CCDC57: variants seen among roughly 807,000 people sequenced by gnomAD.
CCDC57 encodes coiled-coil domain containing 57, also known as coiled-coil domain-containing protein 57.
CCDC57 carries 118 observed loss-of-function variants against 118.9 expected under a neutral mutation model. That is an observed-to-expected ratio of 0.99 (90% confidence interval 0.86 to 1.16). The LOEUF is 1.16. Ranked by LOEUF, CCDC57 falls within the 50% of genes most tolerant of loss-of-function variation. The pLI is 0.00. For missense variants in CCDC57, 1,300 were observed against 1,320.7 expected, an observed-to-expected ratio of 0.98 and a Z score of 0.24; for synonymous variants, 527 against 532.9, an observed-to-expected ratio of 0.99 and a Z score of 0.15.
chr17:82,175,764 A>G (rs1366636297), intron 11 of CCDC57: 1 of 152,210 alleles, frequency 6.6e-6, no homozygotes, highest in Non-Finnish European at 1.5e-5. Flanking sequence ...CCTTGGCAAA[A>G]TAAACCTTCT....
At chr17:82,152,694 G>C (rs937820007) in intron 15 of CCDC57, among the ~76,000 whole-genome samples, 1 of 152,252 alleles carries the variant, frequency 6.6e-6, no homozygotes, top group Non-Finnish European at 1.5e-5. Flanking sequence ...TAAGGAGCCA[G>C]GCTGCACCTG....
chr17:82,187,404 G>A (rs927989466), intron 8 of CCDC57, among the ~76,000 whole-genome samples: 3 of 146,808 alleles, frequency 2.0e-5, no homozygotes, highest in Non-Finnish European at 4.5e-5. Flanking sequence ...AAACTTTGAG[G>A]ACATTATGCC....
Position 82,193,811 on chromosome 17 carries a change from T to A in CCDC57, c.796A>T (p.Lys266Ter), listed in dbSNP as rs200765054. 1 of 1,598,976 alleles carries A rather than the reference T, an allele frequency of 6.3e-7. No homozygotes were observed. The highest frequency in any genetic ancestry group is 8.5e-7 in the Non-Finnish European group (1 of 1,172,046). The stretch of plus-strand genomic sequence containing the variant: ...CTGGTTAGCTGCACAGAGTGAAGTT[T>A]ATCCTCTAAATCCTTTACCCTGAAA... The change falls in exon 7 of 20, where the codon AAA (lysine) becomes TAA (stop). Residue 266 changes from lysine (K) to a stop codon, truncating the protein, a stop_gained. Transcript: ENST00000665763. LOFTEE classifies it high-confidence loss of function.
intron 4 of CCDC57, among the ~76,000 whole-genome samples, chr17:82,197,866 G>T (rs1286785544): frequency 1.3e-5 from 2 of 152,316 alleles, no homozygotes; most frequent in East Asian, 3.9e-4. Flanking sequence ...TGGGCCTTCA[G>T]AGCTGGACCA....
At chr17:82,176,904 T>C (rs576142356) in intron 11 of CCDC57, among the ~76,000 whole-genome samples, 1 of 151,958 alleles carries the variant, frequency 6.6e-6, no homozygotes, top group Admixed American at 6.6e-5. Context: ...GCCTGAGACC[T>C]ATCCCTAGGT....
At chr17:82,151,156 A>G (rs1374893426) in intron 16 of CCDC57, among the ~76,000 whole-genome samples, 1 of 72,064 alleles carries the variant, frequency 1.4e-5, no homozygotes, top group Non-Finnish European at 2.7e-5. Context: ...CGCACCTAGA[A>G]CCAGGCGCAC....
chr17:82,170,561 G>A (rs1278444389), intron 13 of CCDC57, among the ~76,000 whole-genome samples: 1 of 151,496 alleles, frequency 6.6e-6, no homozygotes, highest in African/African-American at 2.4e-5. Context: ...TGCAGCGGGG[G>A]AGGAGTCACG....
chr17:82,173,914 T>C (rs1488380769), intron 11 of CCDC57, among the ~76,000 whole-genome samples: 1 of 152,118 alleles, frequency 6.6e-6, no homozygotes, highest in African/African-American at 2.4e-5. Flanking sequence ...CGCTTCTGCC[T>C]CTGACCAGGA....
At chr17:82,170,972 A>T (rs2044634712) in intron 13 of CCDC57, among the ~76,000 whole-genome samples, 1 of 152,270 alleles carries the variant, frequency 6.6e-6, no homozygotes, top group Non-Finnish European at 1.5e-5. Flanking sequence ...ATCAAGTGAA[A>T]CACAGTGTAG....
intron 19 of CCDC57, among the ~76,000 whole-genome samples, chr17:82,106,954 C>A (rs902080223): frequency 6.6e-6 from 1 of 152,206 alleles, no homozygotes; most frequent in Non-Finnish European, 1.5e-5. Context: ...AGCAGGTCAC[C>A]GCCATGTCCC....
At chr17:82,154,216 G>C (rs2042404115) in intron 15 of CCDC57, 1 of 152,402 alleles carries the variant, frequency 6.6e-6, no homozygotes, top group Non-Finnish European at 1.5e-5. Context: ...GGACCTGCCT[G>C]GGAGCAGAGT....
intron 14 of CCDC57, among the ~76,000 whole-genome samples, chr17:82,162,573 C>T (rs987841899): frequency 7.1e-4 from 108 of 151,794 alleles, no homozygotes; most frequent in Admixed American, 1.4e-3. Context: ...CCCCTCTGAG[C>T]GGGCAGGTGG....
chr17:82,184,057 A>ACT (rs1568402028), intron 8 of CCDC57, 125 bp from the exon 8 acceptor site: 1 of 573,162 alleles, frequency 1.7e-6, no homozygotes, highest in Non-Finnish European at 3.1e-6. Flanking sequence ...ACACACACAC[A>ACT]CACACACACA....
chr17:82,195,111 C>T (rs1472910891), intron 5 of CCDC57, among the ~76,000 whole-genome samples, 152 bp downstream of exon 4: 2 of 152,376 alleles, frequency 1.3e-5, no homozygotes, highest in Non-Finnish European at 2.9e-5. Context: ...AGGGCATCCA[C>T]ATGGCCCACC....
intron 17 of CCDC57, among the ~76,000 whole-genome samples, chr17:82,129,259 C>T (rs1349406340): frequency 6.6e-6 from 1 of 152,130 alleles, no homozygotes; most frequent in Non-Finnish European, 1.5e-5. Context: ...CCTCTGCCCG[C>T]CCCATGCCTG....
At chr17:82,210,880 G>C (rs867441448) in intron 1 of CCDC57, among the ~76,000 whole-genome samples, 1 of 149,644 alleles carries the variant, frequency 6.7e-6, no homozygotes, top group South Asian at 2.1e-4. Context: ...TGTAATCCCA[G>C]CTACTTGAGA....
At chr17:82,186,225 G>A (rs2046904792) in intron 8 of CCDC57, among the ~76,000 whole-genome samples, 1 of 152,184 alleles carries the variant, frequency 6.6e-6, no homozygotes, top group African/African-American at 2.4e-5. Context: ...GTAGAAGTCT[G>A]TTTCTTACTA....
intron 8 of CCDC57, 131 bp from the exon 8 acceptor site, chr17:82,184,063 AC>A (rs2046636384): frequency 3.4e-6 from 2 of 584,660 alleles, no homozygotes; most frequent in African/African-American, 3.7e-5. Flanking sequence ...ACACACACAC[AC>A]ACACACACAC....
At chr17:82,101,569 C>A in exon 20 of CCDC57, 1 of 925,546 alleles carries the variant, frequency 1.1e-6, no homozygotes. Flanking sequence ...CTGCAGCTCC[C>A]TGCCTCCACC....
Sources: allele counts gnomAD v4.1 joint callset (sites outside exome capture counted in the v4.1 genomes callset), GRCh38; gene constraint gnomAD v4.1.1; transcripts MANE v1.5; gene names NCBI Gene and HGNC (gene_info 2026-07-23, HGNC 2026-07-21).